STMND1: variants seen among roughly 807,000 people sequenced by gnomAD.
STMND1 encodes the protein stathmin domain containing 1.
STMND1 carries 17 observed loss-of-function variants against 23.0 expected under a neutral mutation model. That is an observed-to-expected ratio of 0.74 (90% CI 0.51 to 1.11). The LOEUF (loss-of-function observed/expected upper bound fraction) is 1.11, where lower values mean the gene tolerates loss of function less well. Among genes scored for constraint, STMND1 ranks in the 50% least tolerant of loss-of-function variants. The pLI is 0.00. For synonymous variants in STMND1, 114 were observed against 119.9 expected, an observed-to-expected ratio of 0.95 and a Z score of 0.32; for missense variants, 305 against 329.1, an observed-to-expected ratio of 0.93 and a Z score of 0.57.
chr6:17,130,544 T>C, intron 4 of STMND1, 50 bp from the exon 5 acceptor site: 1 of 1,373,106 alleles, frequency 7.3e-7, no homozygotes, highest in Non-Finnish European at 9.6e-7. Flanking sequence ...TAATCACAAC[T>C]TGGAGAAAGT....
intron 3 of STMND1, among the ~76,000 whole-genome samples, chr6:17,126,068 ATATTTTTTTT>A (rs1761298734): frequency 1.9e-4 from 4 of 21,386 alleles, no homozygotes; most frequent in Non-Finnish European, 2.9e-4. Flanking sequence ...ATATATATAT[ATATTTTTTTT>A]TTTTTTTTTT....
At position 17,120,815 on chromosome 6, in the gene STMND1, T is replaced by C. The variant is rs540933225; in HGVS notation, c.411+57T>C. 4.5e-6 allele frequency: 6 copies of C among 1,338,388 alleles called. No individual in the cohort carries two copies. In the Admixed American group the frequency reaches 1.4e-4, roughly 32 times the overall value. 82.9% of individuals were successfully genotyped at this position (1,338,388 alleles called of 1,614,324 possible). ...AGTTAAAATTAGCAATAGAATATGATTGATCATGAGTCATTATTTCCAGCA... is the reference window on the plus strand; with the variant it reads ...AGTTAAAATTAGCAATAGAATATGACTGATCATGAGTCATTATTTCCAGCA... On this transcript the variant is annotated intron_variant, in intron 3 of 4. Transcript: ENST00000536551.
rs910013243 is a variant in STMND1, at chr6:17,110,584, A to G, written c.82-4378A>G. The G allele has an allele frequency of 6.0e-5, 18 of 300,640 alleles. 2 individuals are homozygous for G. Among genetic ancestry groups the G allele is most frequent in the Admixed American group, 5.5e-4 (13 of 23,620 alleles). 18.6% of individuals were successfully genotyped at this position (300,640 alleles called of 1,614,324 possible). ...AGAATTCGAGACCAGCCTGGCCAAC[A>G]TGGTGAAACCCCGTCTCTACTAAAA... On this transcript the variant is annotated intron_variant, in intron 1 of 4. Transcript: ENST00000536551.
chr6:17,103,788 T>A (rs995767105), intron 1 of STMND1, among the ~76,000 whole-genome samples: 7 of 152,030 alleles, frequency 4.6e-5, no homozygotes, highest in African/African-American at 1.7e-4. Context: ...GTCAGGCTGG[T>A]CTCGAACTCC....
chr6:17,130,549 G>C, intron 4 of STMND1, 45 bp from the exon 5 acceptor site: 2 of 1,397,868 alleles, frequency 1.4e-6, no homozygotes, highest in Non-Finnish European at 1.9e-6. Context: ...ACAACTTGGA[G>C]AAAGTTATTC....
At chr6:17,116,434 G>C (rs574850606) in intron 2 of STMND1, among the ~76,000 whole-genome samples, 80 of 152,142 alleles carry the variant, frequency 5.3e-4, no homozygotes, top group African/African-American at 1.9e-3. Flanking sequence ...CTTCAAATCT[G>C]CAGAGTATAC....
chr6:17,114,200 T>G (rs912136661), intron 1 of STMND1, among the ~76,000 whole-genome samples: 4 of 151,966 alleles, frequency 2.6e-5, no homozygotes, highest in Admixed American at 2.0e-4. Flanking sequence ...CTTGTCTTCC[T>G]GCAACTAGAC....
At chr6:17,119,138 A>T (rs1326015488) in intron 2 of STMND1, among the ~76,000 whole-genome samples, 3 of 152,172 alleles carry the variant, frequency 2.0e-5, no homozygotes, top group Non-Finnish European at 4.4e-5. Flanking sequence ...TTACTACCCC[A>T]TGCCAAAATC....
At chr6:17,122,913 T>C (rs1761251419) in intron 3 of STMND1, among the ~76,000 whole-genome samples, 1 of 152,102 alleles carries the variant, frequency 6.6e-6, no homozygotes. Flanking sequence ...AAAGATTTTT[T>C]TCTAGCTGTA....
Position 17,102,174 on chromosome 6 carries a change from A to T in STMND1, c.-84A>T. ...AGGGCGCAGGGCGCAGGAGCGCGGGACCACCGGCGCCGGAGCGCGGCAGGG... is the reference window on the plus strand; with the variant it reads ...AGGGCGCAGGGCGCAGGAGCGCGGGTCCACCGGCGCCGGAGCGCGGCAGGG... On this transcript the variant is annotated 5_prime_UTR_variant, in exon 1 of 5. Coordinates refer to ENST00000536551, the MANE Select transcript of STMND1 (RefSeq NM_001190766.2). 1 of 1,346,816 alleles carries T rather than the reference A, an allele frequency of 7.4e-7. No individual in the cohort carries two copies. The highest frequency in any genetic ancestry group is 9.6e-7 in the Non-Finnish European group (1 of 1,039,498). 83.4% of individuals were successfully genotyped at this position (1,346,816 alleles called of 1,614,324 possible). A position where few individuals can be genotyped will look rare whatever the true frequency, so the allele number is the denominator to read the frequency against.
Position 17,114,951 on chromosome 6 carries a change from C to G in STMND1, c.82-11C>G. On this transcript the variant is annotated splice_polypyrimidine_tract_variant and intron_variant, in intron 1 of 4. Transcript: ENST00000536551. Reference sequence around the variant, plus strand: ...AATCTTGACTCTAACAAAACTGTTCCCTTTTCACAGGCTGATGTCAGTGTG... The same window carrying G: ...AATCTTGACTCTAACAAAACTGTTCGCTTTTCACAGGCTGATGTCAGTGTG... 1 of 1,501,596 alleles carries G rather than the reference C, an allele frequency of 6.7e-7. No individual in the cohort carries two copies. The highest frequency in any genetic ancestry group is 8.8e-7 in the Non-Finnish European group (1 of 1,133,626). The allele number at this position is 1,501,596 out of a possible 1,614,324, so 93.0% of individuals were successfully genotyped here.
At chr6:17,109,717 C>T (rs1294766902) in intron 1 of STMND1, among the ~76,000 whole-genome samples, 1 of 152,118 alleles carries the variant, frequency 6.6e-6, no homozygotes, top group African/African-American at 2.4e-5. Flanking sequence ...CACTTCTTTC[C>T]CCCATTCTTG....
chr6:17,112,123 A>G (rs1761103648), intron 1 of STMND1, among the ~76,000 whole-genome samples: 2 of 152,200 alleles, frequency 1.3e-5, no homozygotes, highest in South Asian at 2.1e-4. Flanking sequence ...CTTCAAAGAA[A>G]TGGCTACCCA....
In STMND1 at chr6:17,129,776, A is replaced by G. The variant is rs1242576031; in HGVS notation, c.543+533A>G. Among the ~76,000 whole-genome samples, 4 of 151,980 alleles carry G rather than the reference A, an allele frequency of 2.6e-5. No homozygotes were observed. The East Asian group carries it at 5.9e-4, about 22-fold the overall frequency. On this transcript the variant is annotated intron_variant, in intron 4 of 4. Coordinates refer to ENST00000536551, the MANE Select transcript of STMND1 (RefSeq NM_001190766.2). ...GGAGAATGGCGTGAACCCGGGAGGC[A>G]GAGCTTGCCGTGAGCCGAGATTGTG...
intron 1 of STMND1, among the ~76,000 whole-genome samples, chr6:17,105,169 C>G (rs1761005651): frequency 6.6e-6 from 1 of 152,176 alleles, no homozygotes; most frequent in South Asian, 2.1e-4. Flanking sequence ...AGGACTTGAA[C>G]ATCCATGGGT....
At chr6:17,110,781 A>T in intron 1 of STMND1, 1 of 455,784 alleles carries the variant, frequency 2.2e-6, no homozygotes, top group South Asian at 1.6e-5. Context: ...AAAATAAAAA[A>T]TAGACATTAA....
intron 1 of STMND1, among the ~76,000 whole-genome samples, chr6:17,113,739 G>T (rs938917337): frequency 6.6e-6 from 1 of 151,326 alleles, no homozygotes; most frequent in African/African-American, 2.4e-5. Context: ...AAGTTCTGGG[G>T]TTACAGGCAT....
At chr6:17,110,200 A>G (rs1761078824) in intron 1 of STMND1, among the ~76,000 whole-genome samples, 3 of 152,208 alleles carry the variant, frequency 2.0e-5, no homozygotes, top group Non-Finnish European at 4.4e-5. Flanking sequence ...ACAAACTTTT[A>G]TCACAGTACA....
At chr6:17,114,933 ACT>A in intron 1 of STMND1, 27 bp from the exon 2 acceptor site, 1 of 1,488,896 alleles carries the variant, frequency 6.7e-7, no homozygotes, top group South Asian at 1.3e-5. Flanking sequence ...AGAAATCTTG[ACT>A]CTAACAAAAC....
Sources: gnomAD v4.1 joint callset for allele counts (sites outside exome capture counted in the v4.1 genomes callset) on GRCh38, gnomAD v4.1.1 for gene constraint, MANE v1.5 for transcripts, NCBI Gene and HGNC (gene_info 2026-07-23, HGNC 2026-07-21) for gene names.